Variants in NALF1 observed in about 807,000 individuals in gnomAD.
The protein encoded by NALF1 is NALCN channel auxiliary factor 1, also known as family with sequence similarity 155 member A.
Under a neutral mutation model 48.4 loss-of-function variants are expected in NALF1, and 3 were observed. The ratio of observed to expected loss-of-function variants is 0.06; its 90% CI spans 0.03 to 0.16. The LOEUF is 0.16. Ranked by LOEUF, NALF1 falls within the 10% of genes least tolerant of loss-of-function variation. NALF1 has a pLI of 1.00. For synonymous variants in NALF1, 262 were observed against 245.7 expected, an observed-to-expected ratio of 1.07 and a Z score of -0.62; for missense variants, 526 against 571.5, an observed-to-expected ratio of 0.92 and a Z score of 0.81.
chr13:107,831,582 G>GA (rs1284062333), intron 1 of NALF1, among the ~76,000 whole-genome samples: 4 of 151,878 alleles, frequency 2.6e-5, no homozygotes, highest in Non-Finnish European at 4.4e-5. Flanking sequence ...TGATTCAATA[G>GA]AAAAAAGAGT....
intron 1 of NALF1, among the ~76,000 whole-genome samples, chr13:107,589,308 G>A (rs996607705): frequency 6.6e-6 from 1 of 151,990 alleles, no homozygotes; most frequent in Non-Finnish European, 1.5e-5. Context: ...TCGGGGTCAC[G>A]AGTGAAGCCA....
At chr13:107,446,663 T>C (rs1249022823) in intron 1 of NALF1, among the ~76,000 whole-genome samples, 1 of 152,196 alleles carries the variant, frequency 6.6e-6, no homozygotes, top group Non-Finnish European at 1.5e-5. Flanking sequence ...TAGTGGTGAC[T>C]CCTAACACTT....
rs79681367 is a variant in NALF1 at position 107,644,985 on chromosome 13, C to G, written c.915+220697G>C. ...CTATTTTGTGTATTAAGAGGTCATC[C>G]AATTGCTTTGCTTTATCTTATTGTA... On this transcript the variant is annotated intron_variant, in intron 1 of 2. Transcript: ENST00000375915. 7.3e-3 allele frequency among the ~76,000 whole-genome samples: 1,107 copies of G among 152,068 alleles called. 7 individuals carry two copies. Among genetic ancestry groups the G allele is most frequent in the Non-Finnish European group, 0.012 (788 of 67,994 alleles).
At chr13:107,831,499 C>T (rs1879728884) in intron 1 of NALF1, among the ~76,000 whole-genome samples, 1 of 150,418 alleles carries the variant, frequency 6.6e-6, no homozygotes, top group South Asian at 2.1e-4. Flanking sequence ...TGGCTTAGGT[C>T]AAAGTACAAA....
intron 1 of NALF1, among the ~76,000 whole-genome samples, chr13:107,776,927 C>T (rs930711713): frequency 1.3e-5 from 2 of 151,934 alleles, no homozygotes; most frequent in African/African-American, 4.8e-5. Flanking sequence ...CCTATCTGTA[C>T]AAAAAATCTA....
intron 1 of NALF1, among the ~76,000 whole-genome samples, chr13:107,507,972 C>A (rs1486963783): frequency 6.6e-6 from 1 of 152,140 alleles, no homozygotes; most frequent in African/African-American, 2.4e-5. Context: ...CTCCGAAATC[C>A]CACTTTCTGC....
intron 1 of NALF1, among the ~76,000 whole-genome samples, chr13:107,565,059 T>A: frequency 4.3e-5 from 2 of 46,854 alleles, no homozygotes; most frequent in Non-Finnish European, 8.2e-5. Context: ...CAAGGGGTGA[T>A]ATCTGCAAAA....
At chr13:107,608,385 G>C (rs908497353) in intron 1 of NALF1, among the ~76,000 whole-genome samples, 5 of 152,202 alleles carry the variant, frequency 3.3e-5, no homozygotes, top group Non-Finnish European at 7.3e-5. Context: ...GCCCCCTATT[G>C]CAAGTTGGAG....
At chr13:107,361,095 C>T (rs1883053062) in intron 1 of NALF1, among the ~76,000 whole-genome samples, 1 of 152,206 alleles carries the variant, frequency 6.6e-6, no homozygotes, top group Non-Finnish European at 1.5e-5. Context: ...TGTAGAACAA[C>T]AATGGATCAG....
intron 1 of NALF1, among the ~76,000 whole-genome samples, chr13:107,705,506 TTA>T (rs887867957): frequency 6.7e-5 from 2 of 29,734 alleles, no homozygotes; most frequent in East Asian, 1.2e-3. Context: ...TCTAAAGATT[TTA>T]TACATATATA....
rs1349392780 is a variant in NALF1 at position 107,165,436 on chromosome 13, CCT to C, written c.*5059_*5060del. ...TGCTTGAGTTCCATCATTTGCATTA[CCT>C]ACCTGTGTGACCCAGGACAAAATAA... On this transcript the variant is annotated 3_prime_UTR_variant, in exon 3 of 3. Coordinates refer to ENST00000375915, the MANE Select transcript of NALF1 (RefSeq NM_001080396.3). 2.6e-5 allele frequency: 4 copies of C among 152,136 alleles called. No homozygotes were observed. The highest frequency in any genetic ancestry group is 2.6e-4 in the Admixed American group (4 of 15,280). The allele number at this position is 152,136 out of a possible 1,614,324, so 9.4% of individuals were successfully genotyped here.
At chr13:107,805,600 C>G (rs1878756627) in intron 1 of NALF1, among the ~76,000 whole-genome samples, 1 of 151,778 alleles carries the variant, frequency 6.6e-6, no homozygotes, top group African/African-American at 2.4e-5. Flanking sequence ...TTTATTCCAT[C>G]AGAAAAAAAA....
intron 1 of NALF1, among the ~76,000 whole-genome samples, chr13:107,470,486 C>T (rs1307690524): frequency 1.3e-5 from 2 of 152,194 alleles, no homozygotes; most frequent in Non-Finnish European, 2.9e-5. Flanking sequence ...TTGCATTGCT[C>T]ACTTTTGGTC....
intron 1 of NALF1, among the ~76,000 whole-genome samples, chr13:107,258,939 T>C (rs1880874910): frequency 6.6e-6 from 1 of 152,192 alleles, no homozygotes; most frequent in Non-Finnish European, 1.5e-5. Context: ...TGGCTCCCTA[T>C]GACAGGCGTG....
intron 1 of NALF1, among the ~76,000 whole-genome samples, chr13:107,466,975 G>A (rs1481772430): frequency 6.6e-6 from 1 of 151,944 alleles, no homozygotes; most frequent in African/African-American, 2.4e-5. Context: ...TATTTATTCT[G>A]GCTTTTTCAT....
At chr13:107,338,928 C>T (rs562475760) in intron 1 of NALF1, among the ~76,000 whole-genome samples, 4 of 151,904 alleles carry the variant, frequency 2.6e-5, no homozygotes, top group African/African-American at 7.2e-5. Flanking sequence ...GTCAGGAGGT[C>T]GAGTCCATCC....
intron 1 of NALF1, among the ~76,000 whole-genome samples, chr13:107,340,291 C>A (rs1341574910): frequency 6.6e-6 from 1 of 151,866 alleles, no homozygotes; most frequent in South Asian, 2.1e-4. Context: ...CAGGTGCCCA[C>A]CAACACGCCC....
intron 1 of NALF1, among the ~76,000 whole-genome samples, chr13:107,815,570 A>T (rs1015674319): frequency 6.6e-6 from 1 of 152,178 alleles, no homozygotes; most frequent in Non-Finnish European, 1.5e-5. Flanking sequence ...TAGAAGTGTA[A>T]AATACAGTTC....
intron 2 of NALF1, among the ~76,000 whole-genome samples, chr13:107,201,074 T>C (rs1301081878): frequency 3.9e-5 from 6 of 152,172 alleles, no homozygotes; most frequent in Non-Finnish European, 5.9e-5. Flanking sequence ...TTGGCTTTTG[T>C]CTCCAGTTCT....
Sources: gnomAD v4.1 joint callset for allele counts (sites outside exome capture counted in the v4.1 genomes callset) on GRCh38, gnomAD v4.1.1 for gene constraint, MANE v1.5 for transcripts, NCBI Gene and HGNC (gene_info 2026-07-23, HGNC 2026-07-21) for gene names.